NPC1: variants seen among roughly 807,000 people sequenced by gnomAD.
The protein encoded by NPC1 is NPC intracellular cholesterol transporter 1.
A neutral mutation model predicts 140.4 loss-of-function variants in NPC1; 85 were observed. That is an observed-to-expected ratio of 0.61 (90% confidence interval 0.51 to 0.72). The LOEUF (loss-of-function observed/expected upper bound fraction) is 0.72. Ranked by LOEUF, NPC1 falls within the 30% of genes least tolerant of loss-of-function variation. The pLI, the probability that NPC1 is intolerant of heterozygous loss-of-function variation, is 0.00. For synonymous variants in NPC1, 656 were observed against 624.8 expected (o/e 1.05, Z -0.74); for missense variants, 1,504 against 1,623.8 (o/e 0.93, Z 1.27).
At chr18:23,508,149 A>T in intron 3 of NPC1, 4 of 983,846 alleles carry the variant, frequency 4.1e-6, no homozygotes, top group Non-Finnish European at 5.8e-6. Flanking sequence ...TTGAAGTCAG[A>T]CTGTCCCTCA....
At chr18:23,554,496 C>T (rs536214644) in intron 9 of NPC1, among the ~76,000 whole-genome samples, 3 of 152,096 alleles carry the variant, frequency 2.0e-5, no homozygotes, top group Admixed American at 6.5e-5. Flanking sequence ...GTCCTAGCTA[C>T]TCAGGAGGCT....
chr18:23,516,145 A>C, intron 3 of NPC1: 1 of 1,343,804 alleles, frequency 7.4e-7, no homozygotes, highest in Non-Finnish European at 1.0e-6. Flanking sequence ...TATACCCGTC[A>C]GCTCCTGGAG....
downstream of NPC1, chr18:23,530,468 G>A (rs754165861): frequency 6.2e-7 from 1 of 1,614,228 alleles, no homozygotes; most frequent in Non-Finnish European, 8.5e-7. Context: ...GTTTATCCGG[G>A]GCATTGGTGG....
intron 1 of NPC1, among the ~76,000 whole-genome samples, chr18:23,575,587 A>T (rs1380743894): frequency 6.6e-6 from 1 of 152,094 alleles, no homozygotes; most frequent in African/African-American, 2.4e-5. Context: ...TCAGTAAACT[A>T]CAGAGCACCA....
chr18:23,586,458 A>C lies in NPC1; in HGVS notation c.-115T>G. ...CCCCGCGCAGGAGGAGCGGAGGAGC[A>C]GGAGCAGGCGCTGACCGCGGCAGCA... On this transcript the variant is annotated 5_prime_UTR_variant, in exon 1 of 25. Coordinates refer to ENST00000269228, the MANE Select transcript of NPC1 (RefSeq NM_000271.5). 1 of 1,486,940 alleles carries C rather than the reference A, an allele frequency of 6.7e-7. No homozygotes were observed. Among genetic ancestry groups the C allele is most frequent in the Non-Finnish European group, 8.9e-7 (1 of 1,125,422 alleles). 92.1% of individuals were successfully genotyped at this position (1,486,940 alleles called of 1,614,324 possible). A position where few individuals can be genotyped will look rare whatever the true frequency, so the allele number is the denominator to read the frequency against.
At chr18:23,513,896 G>T (rs1008990153) in intron 3 of NPC1, among the ~76,000 whole-genome samples, 9 of 152,256 alleles carry the variant, frequency 5.9e-5, no homozygotes, top group African/African-American at 2.2e-4. Context: ...TTGTTGAATT[G>T]TAGTTCTTTA....
intron 3 of NPC1, among the ~76,000 whole-genome samples, chr18:23,571,069 G>A (rs1394084981): frequency 1.3e-5 from 2 of 152,198 alleles, no homozygotes; most frequent in African/African-American, 4.8e-5. Context: ...AAAGGAGCCT[G>A]GCCGCAGTGC....
chr18:23,524,021 A>G, intron 1 of NPC1: 1 of 1,227,988 alleles, frequency 8.1e-7, no homozygotes, highest in Admixed American at 1.7e-5. Context: ...CTACAATTGA[A>G]TAAACATTTC....
Position 23,515,963 on chromosome 18 carries a change from C to T in NPC1, c.432-9321G>A, listed in dbSNP as rs772893214. On this transcript the variant is annotated intron_variant, in intron 3 of 3. Transcript: ENST00000591107. Reference sequence around the variant, plus strand: ...CCGTGATCTTGCTGTCTACCACGGTCCTGGAGAATGTCCTGCAGCCTTTTC... The same window carrying T: ...CCGTGATCTTGCTGTCTACCACGGTTCTGGAGAATGTCCTGCAGCCTTTTC... 4.7e-5 allele frequency: 76 copies of T among 1,614,036 alleles called. No homozygotes were observed. In the Admixed American group the frequency reaches 1.2e-3, roughly 26 times the overall value.
intron 4 of NPC1, among the ~76,000 whole-genome samples, chr18:23,567,356 G>A (rs1304195996): frequency 1.3e-5 from 2 of 152,090 alleles, no homozygotes; most frequent in African/African-American, 4.8e-5. Flanking sequence ...GTGGTATCTC[G>A]TTGTTTTAAT....
chr18:23,544,061 CATG>C (rs1197388567), intron 13 of NPC1, among the ~76,000 whole-genome samples: 18 of 152,264 alleles, frequency 1.2e-4, no homozygotes, highest in African/African-American at 4.3e-4. Flanking sequence ...TTCTTGTACA[CATG>C]ATACTATTTA....
chr18:23,544,941 CCA>C lies in NPC1; in HGVS notation c.1947+17_1947+18del. On this transcript the variant is annotated intron_variant, in intron 12 of 24. Coordinates refer to ENST00000269228, the MANE Select transcript of NPC1 (RefSeq NM_000271.5). ...CTGCTGTTAACCTCTAGAACATACA[CCA>C]CCCCCCCCCGGCTTACCAGAAGCCT... is the stretch of plus-strand genomic sequence containing the variant. 1.5e-6 allele frequency: 2 copies of C among 1,317,598 alleles called. No individual in the cohort carries two copies. Among genetic ancestry groups the C allele is most frequent in the Non-Finnish European group, 2.1e-6 (2 of 956,960 alleles). 81.6% of individuals were successfully genotyped at this position (1,317,598 alleles called of 1,614,324 possible).
At chr18:23,510,113 A>C (rs569370855) in intron 3 of NPC1, among the ~76,000 whole-genome samples, 148 of 151,722 alleles carry the variant, frequency 9.8e-4, no homozygotes, top group African/African-American at 3.3e-3. Context: ...GCTTGAGTCC[A>C]GGAGTCTGAG....
At chr18:23,545,445 G>A (rs2058776112) in intron 11 of NPC1, among the ~76,000 whole-genome samples, 1 of 152,150 alleles carries the variant, frequency 6.6e-6, no homozygotes, top group African/African-American at 2.4e-5. Context: ...GTTTCACCAT[G>A]TTGGCCAGGC....
intron 4 of NPC1, among the ~76,000 whole-genome samples, chr18:23,565,853 G>C (rs2059116498): frequency 6.6e-6 from 1 of 151,946 alleles, no homozygotes; most frequent in Non-Finnish European, 1.5e-5. Context: ...TTATCCCTTT[G>C]ATTATTATTG....
Position 23,556,169 on chromosome 18 carries a change from C to T in NPC1, c.1326+74G>A, listed in dbSNP as rs532841667. The T allele has an allele frequency of 3.1e-6, 4 of 1,283,676 alleles. No homozygotes were observed. The East Asian group carries it at 6.9e-5, about 22-fold the overall frequency. 79.5% of individuals were successfully genotyped at this position (1,283,676 alleles called of 1,614,324 possible). On this transcript the variant is annotated intron_variant, in intron 8 of 24. Transcript: ENST00000269228. ...CATTCAGCCCCAAATCCCCATCTAG[C>T]AGTAGTCAACATGTAAAAGCCAGCA...
chr18:23,528,201 A>C (rs1349012071), downstream of NPC1: 4 of 232,374 alleles, frequency 1.7e-5, no homozygotes, highest in Admixed American at 2.0e-4. Flanking sequence ...GAGAAAAATC[A>C]GTCTCTGCTT....
chr18:23,513,537 T>C (rs763905392), intron 3 of NPC1, among the ~76,000 whole-genome samples: 7 of 152,262 alleles, frequency 4.6e-5, no homozygotes, highest in Non-Finnish European at 8.8e-5. Flanking sequence ...GATCCCGTTT[T>C]CAGTTCTTTT....
intron 6 of NPC1, among the ~76,000 whole-genome samples, chr18:23,557,945 A>G (rs573485689): frequency 6.6e-6 from 1 of 152,324 alleles, no homozygotes; most frequent in Non-Finnish European, 1.5e-5. Context: ...GGCACTCCCA[A>G]TGGCCCAAAG....
Sources: allele counts gnomAD v4.1 joint callset (sites outside exome capture counted in the v4.1 genomes callset), GRCh38; gene constraint gnomAD v4.1.1; transcripts MANE v1.5; gene names NCBI Gene and HGNC (gene_info 2026-07-23, HGNC 2026-07-21).